The following HOXA7 variants were observed in gnomAD, a reference collection of about 807,000 sequenced individuals.
HOXA7 encodes homeobox protein Hox-A7.
Under a neutral mutation model 16.8 loss-of-function variants are expected in HOXA7, and 16 were observed. The ratio of observed to expected loss-of-function variants is 0.95; its 90% CI spans 0.64 to 1.44. HOXA7 has a LOEUF of 1.44. Ranked by LOEUF, HOXA7 falls within the 40% of genes most tolerant of loss-of-function variation. The probability of loss-of-function intolerance (pLI) is 0.00; values close to 1 mark genes in which losing one functional copy is unlikely to be tolerated. For synonymous variants in HOXA7, 169 were observed against 144.3 expected (o/e 1.17, Z -1.23); for missense variants, 379 against 328.6 (o/e 1.15, Z -1.19).
rs528383842 is a variant in HOXA7 at position 27,155,683 on chromosome 7, C to T, written c.380-461G>A. 6.3e-5 allele frequency: 11 copies of T among 173,418 alleles called. No homozygotes were observed. In the East Asian group the frequency reaches 1.6e-3, roughly 26 times the overall value. 10.7% of individuals were successfully genotyped at this position (173,418 alleles called of 1,614,324 possible). On this transcript the variant is annotated intron_variant, in intron 1 of 1. Transcript: ENST00000242159. ...CTAGGGCACCCCGACCCTCTGTCCTCATTCCCTCGCCCCCATCTTGAAATG... is the reference window on the plus strand; with the variant it reads ...CTAGGGCACCCCGACCCTCTGTCCTTATTCCCTCGCCCCCATCTTGAAATG...
In HOXA7 at chr7:27,154,635, C is replaced by A. The variant is rs1783069531; in HGVS notation, c.*274G>T. ...TTTGGACGCGCCAGAGCAGGGCCGG[C>A]TGGCCTGGGGTTGGGGGTGTCTTTT... On this transcript the variant is annotated 3_prime_UTR_variant, in exon 2 of 2. Transcript: ENST00000242159. 2 of 497,714 alleles carry A rather than the reference C, an allele frequency of 4.0e-6. No individual in the cohort carries two copies. The highest frequency in any genetic ancestry group is 1.9e-5 in the African/African-American group (1 of 51,398). The allele number at this position is 497,714 out of a possible 1,614,324, so 30.8% of individuals were successfully genotyped here.
Position 27,154,086 on chromosome 7 carries a change from A to T in HOXA7, c.*823T>A, listed in dbSNP as rs1783053262. On this transcript the variant is annotated 3_prime_UTR_variant, in exon 2 of 2. Coordinates refer to ENST00000242159, the MANE Select transcript of HOXA7 (RefSeq NM_006896.4). Reference sequence around the variant, plus strand: ...TAAGATACAGGAGCCAGAGGAAAGGACAGCGAAGCTGGAAGCATCTCCACA... The same window carrying T: ...TAAGATACAGGAGCCAGAGGAAAGGTCAGCGAAGCTGGAAGCATCTCCACA... 1 of 152,312 alleles carries T rather than the reference A, an allele frequency of 6.6e-6. No homozygotes were observed. 9.4% of individuals were successfully genotyped at this position (152,312 alleles called of 1,614,324 possible). A position where few individuals can be genotyped will look rare whatever the true frequency, so the allele number is the denominator to read the frequency against.
In HOXA7 at chr7:27,156,300, G is replaced by A. The variant is rs750200293; in HGVS notation, c.246C>T (p.Cys82=). The A allele has an allele frequency of 7.4e-6, 12 of 1,613,812 alleles. No homozygotes were observed. The highest frequency in any genetic ancestry group is 1.0e-5 in the Non-Finnish European group (12 of 1,179,916). The part of the protein sequence containing the change: ...LGADAYGNLP[C]ASYDQNIPGL... The stretch of plus-strand genomic sequence containing the variant: ...CGGGGATGTTTTGGTCGTAGGAGGC[G>A]CAGGGCAGGTTGCCGTAGGCGTCGG... Residue 82 remains cysteine (C), a synonymous_variant, in exon 1 of 2, where the codon TGC becomes TGT. Coordinates refer to ENST00000242159, the MANE Select transcript of HOXA7 (RefSeq NM_006896.4).
rs193124013 is a variant in HOXA7 at position 27,156,444 on chromosome 7, G to T, written c.102C>A (p.Asn34Lys). The T allele has an allele frequency of 1.4e-5, 22 of 1,613,944 alleles. No individual in the cohort carries two copies. In the Admixed American group the frequency reaches 2.3e-4, roughly 17 times the overall value. Residue 34 changes from asparagine to lysine, a missense_variant, in exon 1 of 2, where the codon AAC (asparagine) becomes AAA (lysine). Physicochemically the swap from Asn to Lys is moderately conservative, Grantham distance 94. Coordinates refer to ENST00000242159, the MANE Select transcript of HOXA7 (RefSeq NM_006896.4). The part of the protein sequence containing the change: ...AEPTSCSFAP[N>K]SQRSGYGAGA... Reference sequence around the variant, plus strand: ...CCGCCCCGTAGCCGCTTCTCTGTGAGTTGGGAGCAAAGGAGCAAGAAGTCG... The same window carrying T: ...CCGCCCCGTAGCCGCTTCTCTGTGATTTGGGAGCAAAGGAGCAAGAAGTCG...
Position 27,156,240 on chromosome 7 carries a change from G to C in HOXA7, c.306C>G (p.Asp102Glu). The change falls in exon 1 of 2, where the codon GAC becomes GAG. Residue 102 changes from aspartate (D) to glutamate (E), a missense_variant. Coordinates refer to ENST00000242159, the MANE Select transcript of HOXA7 (RefSeq NM_006896.4). ...CATGCAGCGCGCCCTCGTCCGTCTT[G>C]TCGCAGGCGCCTTTGGCGAGGTCAC... ...LCSDLAKGACDKTDEGALHGA... is the reference protein window; with the variant it reads ...LCSDLAKGACEKTDEGALHGA... 1 of 1,608,300 alleles carries C rather than the reference G, an allele frequency of 6.2e-7. No homozygotes were observed. Among genetic ancestry groups the C allele is most frequent in the South Asian group, 1.1e-5 (1 of 90,858 alleles).
At position 27,155,120 on chromosome 7, in the gene HOXA7, A is replaced by G. The variant is rs919990927; in HGVS notation, c.482T>C (p.Ile161Thr). The G allele has an allele frequency of 1.2e-6, 2 of 1,614,106 alleles. No homozygotes were observed. Among genetic ancestry groups the G allele is most frequent in the African/African-American group, 1.3e-5 (1 of 74,938 alleles). Residue 161 changes from isoleucine to threonine, a missense_variant, in exon 2 of 2, where the codon ATT (isoleucine) becomes ACT (threonine). By Grantham distance (89) the Ile-to-Thr change is moderately conservative. Coordinates refer to ENST00000242159, the MANE Select transcript of HOXA7 (RefSeq NM_006896.4). ...GAGGCAGAGCGCGTGGGCGATTTCA[A>G]TGCGGCGGCGCCGCGTCAGGTAGCG... Reference protein sequence around the residue: ...FNRYLTRRRRIEIAHALCLTE... With the variant: ...FNRYLTRRRRTEIAHALCLTE...
chr7:27,155,877 A>G (rs2128066243), intron 1 of HOXA7: 1 of 341,168 alleles, frequency 2.9e-6, no homozygotes, highest in South Asian at 1.4e-4. Context: ...CTTAATGTTA[A>G]AATTCCAAGA....
intron 1 of HOXA7, chr7:27,155,648 C>T (rs757198248): frequency 3.0e-4 from 60 of 198,896 alleles, no homozygotes; most frequent in Non-Finnish European, 5.4e-4. Flanking sequence ...CCCTCATCCC[C>T]AGGACCTTCC....
At chr7:27,155,856 T>C (rs922374474) in intron 1 of HOXA7, 3 of 289,620 alleles carry the variant, frequency 1.0e-5, no homozygotes, top group Non-Finnish European at 1.9e-5. Context: ...AGAGACAGAA[T>C]AGCGAACAAA....
intron 1 of HOXA7, 127 bp from the exon 2 acceptor site, chr7:27,155,349 C>A: frequency 1.1e-6 from 1 of 883,074 alleles, no homozygotes; most frequent in South Asian, 1.6e-5. Flanking sequence ...CCCTCTGCCC[C>A]AGGCCCCGAA....
Position 27,155,159 on chromosome 7 carries a change from T to G in HOXA7, c.443A>C (p.Glu148Ala). The G allele has an allele frequency of 6.2e-7, 1 of 1,614,260 alleles. No homozygotes were observed. Among genetic ancestry groups the G allele is most frequent in the Non-Finnish European group, 8.5e-7 (1 of 1,180,048 alleles). The change falls in exon 2 of 2, where the codon GAG (glutamate) becomes GCG (alanine). Residue 148 changes from glutamate to alanine, a missense_variant. Coordinates refer to ENST00000242159, the MANE Select transcript of HOXA7 (RefSeq NM_006896.4). The part of the protein sequence containing the change: ...TRYQTLELEK[E>A]FHFNRYLTRR... The stretch of plus-strand genomic sequence containing the variant: ...CGTCAGGTAGCGGTTGAAGTGGAAC[T>G]CCTTCTCCAGCTCCAGCGTCTGGTA...
chr7:27,155,012 G>A lies in HOXA7; in HGVS notation c.590C>T (p.Ala197Val). The stretch of plus-strand genomic sequence containing the variant: ...GGGCACGGCGCCCTCGGGAGCTGCG[G>A]CGGCAGTCGGACCTTCGTCCTTATG... Reference protein sequence around the residue: ...KEHKDEGPTAAAAPEGAVPSA... With the variant: ...KEHKDEGPTAVAAPEGAVPSA... The change falls in exon 2 of 2, where the codon GCC becomes GTC. Residue 197 changes from alanine (A) to valine (V), a missense_variant. Coordinates refer to ENST00000242159, the MANE Select transcript of HOXA7 (RefSeq NM_006896.4). The A allele has an allele frequency of 6.2e-7, 1 of 1,614,110 alleles. No homozygotes were observed. Among genetic ancestry groups the A allele is most frequent in the Non-Finnish European group, 8.5e-7 (1 of 1,179,958 alleles).
At position 27,155,104 on chromosome 7, in the gene HOXA7, C is replaced by A. The variant is rs371627268; in HGVS notation, c.498G>T (p.Ala166=). ...TRRRRIEIAH[A]LCLTERQIKI... Reference sequence around the variant, plus strand: ...TAATCTGGCGCTCGGTGAGGCAGAGCGCGTGGGCGATTTCAATGCGGCGGC... The same window carrying A: ...TAATCTGGCGCTCGGTGAGGCAGAGAGCGTGGGCGATTTCAATGCGGCGGC... The change falls in exon 2 of 2, where the codon GCG becomes GCT. Residue 166 remains alanine, a synonymous_variant. Coordinates refer to ENST00000242159, the MANE Select transcript of HOXA7 (RefSeq NM_006896.4). The A allele has an allele frequency of 2.1e-5, 34 of 1,614,114 alleles. No individual in the cohort carries two copies. Among genetic ancestry groups the A allele is most frequent in the Non-Finnish European group, 2.8e-5 (33 of 1,180,054 alleles).
chr7:27,154,032 G>A lies in HOXA7; in HGVS notation c.*877C>T, dbSNP rs1360184820. 1 of 152,426 alleles carries A rather than the reference G, an allele frequency of 6.6e-6. No individual in the cohort carries two copies. The highest frequency in any genetic ancestry group is 1.5e-5 in the Non-Finnish European group (1 of 68,062). The allele number at this position is 152,426 out of a possible 1,614,324, so 9.4% of individuals were successfully genotyped here. A position where few individuals can be genotyped will look rare whatever the true frequency, so the allele number is the denominator to read the frequency against. On this transcript the variant is annotated 3_prime_UTR_variant, in exon 2 of 2. Coordinates refer to ENST00000242159, the MANE Select transcript of HOXA7 (RefSeq NM_006896.4). The stretch of plus-strand genomic sequence containing the variant: ...GTATCTGCTATTATAGGAAACATCA[G>A]GGCGTACATATTTAACACAGCTGAA...
At chr7:27,155,347 C>T in intron 1 of HOXA7, 125 bp from the exon 2 acceptor site, 11 of 893,380 alleles carry the variant, frequency 1.2e-5, no homozygotes, top group Non-Finnish European at 1.9e-5. Flanking sequence ...CCCCCTCTGC[C>T]CCAGGCCCCG....
chr7:27,154,899 G>A lies in HOXA7; in HGVS notation c.*10C>T. 1 of 1,603,068 alleles carries A rather than the reference G, an allele frequency of 6.2e-7. No homozygotes were observed. ...ACTGTCCGGTGCAGAGAGGGCCCCG[G>A]ATCGGCCCCTCATTCCTCCTCGTCT... On this transcript the variant is annotated 3_prime_UTR_variant, in exon 2 of 2. Transcript: ENST00000242159.
chr7:27,155,804 G>A (rs1017140952), intron 1 of HOXA7: 2 of 196,972 alleles, frequency 1.0e-5, no homozygotes, highest in African/African-American at 2.3e-5. Flanking sequence ...TGAGGAGAGA[G>A]AGAAGAAGAA....
In HOXA7 at chr7:27,155,056, G is replaced by A. The variant is rs1319854616; in HGVS notation, c.546C>T (p.Arg182=). The A allele has an allele frequency of 1.9e-6, 3 of 1,614,242 alleles. No individual in the cohort carries two copies. Among genetic ancestry groups the A allele is most frequent in the African/African-American group, 1.3e-5 (1 of 75,066 alleles). The change falls in exon 2 of 2, where the codon CGC becomes CGT. Residue 182 remains arginine, a synonymous_variant. Coordinates refer to ENST00000242159, the MANE Select transcript of HOXA7 (RefSeq NM_006896.4). ...RQIKIWFQNR[R]MKWKKEHKDE... ...CCTTATGCTCTTTCTTCCACTTCATGCGGCGGTTCTGGAACCAGATCTTAA... is the reference window on the plus strand; with the variant it reads ...CCTTATGCTCTTTCTTCCACTTCATACGGCGGTTCTGGAACCAGATCTTAA...
chr7:27,155,964 T>C, intron 1 of HOXA7: 1 of 504,662 alleles, frequency 2.0e-6, no homozygotes, highest in Non-Finnish European at 3.2e-6. Flanking sequence ...CTCATTTACA[T>C]ACAATGCTAT....
Sources: allele counts gnomAD v4.1 joint callset, GRCh38; gene constraint gnomAD v4.1.1; transcripts MANE v1.5; gene names NCBI Gene and HGNC (gene_info 2026-07-23, HGNC 2026-07-21).